ADGRA3: variants seen among roughly 807,000 people sequenced by gnomAD.
ADGRA3 encodes the protein G-protein coupled receptor 125.
Under a neutral mutation model 119.8 loss-of-function variants are expected in ADGRA3, and 56 were observed. That is an observed-to-expected ratio of 0.47 (90% CI 0.38 to 0.58). The LOEUF is 0.58. Ranked by LOEUF, ADGRA3 falls within the 20% of genes least tolerant of loss-of-function variation. The probability of loss-of-function intolerance (pLI) is 0.00; values close to 1 mark genes in which losing one functional copy is unlikely to be tolerated. For missense variants in ADGRA3, 1,516 were observed against 1,649.0 expected, an observed-to-expected ratio of 0.92 and a Z score of 1.40; for synonymous variants, 607 against 623.8, an observed-to-expected ratio of 0.97 and a Z score of 0.40.
intron 16 of ADGRA3, among the ~76,000 whole-genome samples, chr4:22,395,200 G>A (rs971496590): frequency 6.6e-6 from 1 of 152,116 alleles, no homozygotes; most frequent in Admixed American, 6.6e-5. Flanking sequence ...AATTTCCAAA[G>A]TTGTAAAATG....
At chr4:22,471,739 C>G (rs1560334147) in intron 2 of ADGRA3, among the ~76,000 whole-genome samples, 1 of 152,048 alleles carries the variant, frequency 6.6e-6, no homozygotes, top group Non-Finnish European at 1.5e-5. Context: ...ATAAAATGGT[C>G]TTTCAAAGTC....
intron 1 of ADGRA3, among the ~76,000 whole-genome samples, chr4:22,479,904 C>G (rs1718203147): frequency 6.6e-6 from 1 of 152,082 alleles, no homozygotes; most frequent in Non-Finnish European, 1.5e-5. Context: ...AACAGAAAAC[C>G]AAATACCTCA....
At chr4:22,479,942 C>T (rs549487228) in intron 1 of ADGRA3, among the ~76,000 whole-genome samples, 1 of 152,088 alleles carries the variant, frequency 6.6e-6, no homozygotes, top group East Asian at 1.9e-4. Flanking sequence ...GGGAGTTGAA[C>T]AATGAAAACA....
At chr4:22,456,610 G>C (rs1345563722) in intron 3 of ADGRA3, among the ~76,000 whole-genome samples, 5 of 152,136 alleles carry the variant, frequency 3.3e-5, no homozygotes, top group Non-Finnish European at 5.9e-5. Context: ...CAGTTCTAAG[G>C]CTTCCAGACT....
chr4:22,396,125 T>C (rs371629208), intron 16 of ADGRA3, among the ~76,000 whole-genome samples: 1 of 152,050 alleles, frequency 6.6e-6, no homozygotes, highest in Non-Finnish European at 1.5e-5. Flanking sequence ...AGAACACAGA[T>C]CCCTTCCAGA....
At chr4:22,500,122 T>A (rs1369738195) in intron 1 of ADGRA3, among the ~76,000 whole-genome samples, 1 of 152,212 alleles carries the variant, frequency 6.6e-6, no homozygotes, top group Non-Finnish European at 1.5e-5. Flanking sequence ...TGCACTTTGC[T>A]TTTCCCGTCT....
chr4:22,432,372 C>T (rs992871617), intron 10 of ADGRA3, among the ~76,000 whole-genome samples: 1 of 151,652 alleles, frequency 6.6e-6, no homozygotes, highest in Non-Finnish European at 1.5e-5. Context: ...TGAAGTTCTA[C>T]GAACAAAGTC....
At chr4:22,498,892 C>T (rs959415233) in intron 1 of ADGRA3, among the ~76,000 whole-genome samples, 12 of 150,006 alleles carry the variant, frequency 8.0e-5, no homozygotes, top group African/African-American at 2.7e-4. Flanking sequence ...CCAGCTTGGG[C>T]GACACAGCGA....
chr4:22,393,430 G>C (rs1269313356), intron 16 of ADGRA3: 1 of 152,208 alleles, frequency 6.6e-6, no homozygotes, highest in Non-Finnish European at 1.5e-5. Context: ...TCCAGAGTAA[G>C]AGACCTGAGA....
intron 1 of ADGRA3, among the ~76,000 whole-genome samples, chr4:22,510,515 G>A (rs898443932): frequency 6.6e-6 from 1 of 151,702 alleles, no homozygotes; most frequent in Non-Finnish European, 1.5e-5. Flanking sequence ...GTTCTGCCTG[G>A]GTCACCTCCT....
intron 1 of ADGRA3, among the ~76,000 whole-genome samples, chr4:22,487,638 T>C (rs1314088619): frequency 6.6e-6 from 1 of 151,960 alleles, no homozygotes; most frequent in Admixed American, 6.6e-5. Flanking sequence ...TCATCTAAAG[T>C]TGGAAACACT....
At chr4:22,414,000 T>C (rs1474231326) in intron 12 of ADGRA3, 186 bp from the exon 13 acceptor site, 1 of 467,290 alleles carries the variant, frequency 2.1e-6, no homozygotes, top group African/African-American at 2.1e-5. Context: ...TAACATAGAT[T>C]AAAAGAAGTA....
intron 12 of ADGRA3, among the ~76,000 whole-genome samples, chr4:22,418,951 A>C (rs2109031596): frequency 6.6e-6 from 1 of 152,304 alleles, no homozygotes; most frequent in South Asian, 2.1e-4. Context: ...ATATTTTACT[A>C]AGTGGCATCG....
At chr4:22,434,902 G>A (rs1052773003) in intron 10 of ADGRA3, among the ~76,000 whole-genome samples, 1 of 152,098 alleles carries the variant, frequency 6.6e-6, no homozygotes, top group African/African-American at 2.4e-5. Flanking sequence ...GACATTACAA[G>A]GACAATTAAA....
At chr4:22,462,113 T>G (rs561721770) in intron 2 of ADGRA3, among the ~76,000 whole-genome samples, 1 of 152,320 alleles carries the variant, frequency 6.6e-6, no homozygotes, top group Non-Finnish European at 1.5e-5. Flanking sequence ...TCATATACAT[T>G]ATTTCTATAA....
intron 4 of ADGRA3, among the ~76,000 whole-genome samples, chr4:22,447,891 T>TA (rs953510723): frequency 6.6e-5 from 10 of 152,072 alleles, no homozygotes; most frequent in African/African-American, 2.4e-4. Context: ...AATAAATAAT[T>TA]AAAACTTTAA....
At chr4:22,439,705 A>G (rs1716534030) in intron 7 of ADGRA3, among the ~76,000 whole-genome samples, 1 of 152,220 alleles carries the variant, frequency 6.6e-6, no homozygotes, top group African/African-American at 2.4e-5. Context: ...AAAGAGTTTG[A>G]CATTAAATTT....
At chr4:22,420,306 T>C (rs981289174) in intron 12 of ADGRA3, 1 of 153,068 alleles carries the variant, frequency 6.5e-6, no homozygotes, top group Middle Eastern at 3.2e-3. Flanking sequence ...TGTAGTCAAA[T>C]ATATCTAAAG....
At chr4:22,476,813 CCCACCA>C (rs142737034) in intron 1 of ADGRA3, among the ~76,000 whole-genome samples, 12,508 of 151,784 alleles carry the variant, frequency 0.082, 561 homozygotes, top group Non-Finnish European at 0.092. Flanking sequence ...AGTATAAGTG[CCCACCA>C]CCATACCCAG....
Sources: allele counts gnomAD v4.1 joint callset (sites outside exome capture counted in the v4.1 genomes callset), GRCh38; gene constraint gnomAD v4.1.1; transcripts MANE v1.5; gene names NCBI Gene and HGNC (gene_info 2026-07-23, HGNC 2026-07-21).